OPCML: variants seen among roughly 807,000 people sequenced by gnomAD.
OPCML encodes opioid binding protein/cell adhesion molecule like.
Under a neutral mutation model 37.8 loss-of-function variants are expected in OPCML, and 13 were observed. The observed-to-expected ratio is 0.34, with a 90% CI of 0.22 to 0.55. The LOEUF (loss-of-function observed/expected upper bound fraction) is 0.55, where lower values mean the gene tolerates loss of function less well. OPCML is among the 20% of genes least tolerant of loss of function. The pLI, the probability that OPCML is intolerant of heterozygous loss-of-function variation, is 0.91. For missense variants in OPCML, 341 were observed against 435.6 expected, an observed-to-expected ratio of 0.78 and a Z score of 1.93; for synonymous variants, 176 against 168.8, an observed-to-expected ratio of 1.04 and a Z score of -0.33.
chr11:133,440,976 T>C (rs1233759235), intron 1 of OPCML, among the ~76,000 whole-genome samples: 1 of 151,406 alleles, frequency 6.6e-6, no homozygotes, highest in Non-Finnish European at 1.5e-5. Flanking sequence ...CAGGAAATTG[T>C]CATAATTCTC....
chr11:133,266,688 G>C (rs1941668954), intron 1 of OPCML, among the ~76,000 whole-genome samples: 1 of 152,204 alleles, frequency 6.6e-6, no homozygotes, highest in African/African-American at 2.4e-5. Flanking sequence ...TTTCAATCTA[G>C]TGGGTAAGAT....
chr11:132,860,321 C>T (rs917525841), intron 2 of OPCML, among the ~76,000 whole-genome samples: 16 of 152,198 alleles, frequency 1.1e-4, no homozygotes, highest in Non-Finnish European at 2.4e-4. Context: ...CAGTTTTCAT[C>T]TCAAAACTTG....
intron 1 of OPCML, among the ~76,000 whole-genome samples, chr11:133,423,859 C>G (rs1352685714): frequency 6.6e-6 from 1 of 151,908 alleles, no homozygotes; most frequent in East Asian, 1.9e-4. Context: ...AGTGTGGCAC[C>G]TCCACCCCCT....
intron 4 of OPCML, among the ~76,000 whole-genome samples, chr11:132,486,515 C>G (rs569397758): frequency 8.6e-5 from 13 of 151,892 alleles, no homozygotes; most frequent in African/African-American, 2.9e-4. Flanking sequence ...GAATATTTTC[C>G]TCTCTCGGTG....
intron 3 of OPCML, among the ~76,000 whole-genome samples, chr11:132,554,879 T>G (rs796715223): frequency 1.2e-4 from 16 of 138,598 alleles, no homozygotes; most frequent in African/African-American, 4.0e-4. Flanking sequence ...TTTTTTTTTT[T>G]TTTTTTTTTT....
chr11:132,448,247 C>A, intron 4 of OPCML, among the ~76,000 whole-genome samples: 1 of 152,182 alleles, frequency 6.6e-6, no homozygotes, highest in East Asian at 1.9e-4. Flanking sequence ...TCTCTTTTAT[C>A]CTTTCCCTAT....
intron 4 of OPCML, among the ~76,000 whole-genome samples, chr11:132,441,568 C>A (rs1247514864): frequency 6.6e-6 from 1 of 152,144 alleles, no homozygotes; most frequent in Non-Finnish European, 1.5e-5. Flanking sequence ...GCAAAATGTC[C>A]TGTAGTAAGA....
intron 2 of OPCML, among the ~76,000 whole-genome samples, chr11:132,933,868 G>T (rs1278535604): frequency 6.6e-6 from 1 of 152,124 alleles, no homozygotes; most frequent in Admixed American, 6.5e-5. Flanking sequence ...CTTACACAGG[G>T]TGCCTTACAG....
chr11:133,048,925 A>G (rs1370383362), intron 1 of OPCML, among the ~76,000 whole-genome samples: 3 of 152,252 alleles, frequency 2.0e-5, no homozygotes, highest in African/African-American at 7.2e-5. Context: ...TTGAAAGTCT[A>G]GTCAATATTA....
intron 2 of OPCML, among the ~76,000 whole-genome samples, chr11:132,868,050 G>A (rs1942642782): frequency 6.6e-6 from 1 of 152,158 alleles, no homozygotes; most frequent in Non-Finnish European, 1.5e-5. Context: ...TTTGTGAAAG[G>A]TACTCTGAGA....
chr11:132,840,581 G>C (rs1941244121), intron 2 of OPCML, among the ~76,000 whole-genome samples: 1 of 152,200 alleles, frequency 6.6e-6, no homozygotes, highest in Non-Finnish European at 1.5e-5. Context: ...CATGGGGCAA[G>C]TATTTTAACA....
chr11:133,454,638 A>G (rs1197491498), intron 1 of OPCML, among the ~76,000 whole-genome samples: 3 of 152,226 alleles, frequency 2.0e-5, no homozygotes, highest in African/African-American at 7.2e-5. Context: ...ATTCCAGAGA[A>G]TAGAATAAAA....
intron 1 of OPCML, chr11:133,423,159 T>C (rs1945927464): frequency 1.0e-6 from 1 of 985,310 alleles, no homozygotes; most frequent in Non-Finnish European, 1.2e-6. Flanking sequence ...TCAGAATTTA[T>C]CTTTACATCT....
chr11:132,539,273 T>C (rs1375441854), intron 3 of OPCML, among the ~76,000 whole-genome samples: 1 of 152,142 alleles, frequency 6.6e-6, no homozygotes, highest in East Asian at 1.9e-4. Context: ...TCAGTGAGTT[T>C]GGTGAAGGGT....
intron 1 of OPCML, among the ~76,000 whole-genome samples, chr11:133,101,795 T>C (rs1949088388): frequency 6.6e-6 from 1 of 152,122 alleles, no homozygotes; most frequent in Admixed American, 6.5e-5. Context: ...TGTTAATAAT[T>C]GTCCAAAACT....
intron 1 of OPCML, among the ~76,000 whole-genome samples, chr11:133,083,505 T>C (rs1281053398): frequency 6.6e-6 from 1 of 152,202 alleles, no homozygotes; most frequent in East Asian, 1.9e-4. Flanking sequence ...GCTCGGCCCA[T>C]GCATCCAGCG....
At chr11:132,513,800 A>G (rs1328852960) in intron 4 of OPCML, among the ~76,000 whole-genome samples, 1 of 152,234 alleles carries the variant, frequency 6.6e-6, no homozygotes, top group Non-Finnish European at 1.5e-5. Flanking sequence ...AACCTACAAC[A>G]TGATGAATAT....
At chr11:132,752,125 C>A (rs918082201) in intron 2 of OPCML, among the ~76,000 whole-genome samples, 15 of 152,210 alleles carry the variant, frequency 9.9e-5, no homozygotes, top group African/African-American at 3.1e-4. Context: ...CAAAAGCAGG[C>A]TTGGGTGTGA....
At chr11:133,068,024 A>G (rs1031136473) in intron 1 of OPCML, 23 of 152,206 alleles carry the variant, frequency 1.5e-4, no homozygotes, top group Admixed American at 5.9e-4. Context: ...TTAAATTTTA[A>G]CAATAATAAT....
Sources: allele counts gnomAD v4.1 joint callset (sites outside exome capture counted in the v4.1 genomes callset), GRCh38; gene constraint gnomAD v4.1.1; transcripts MANE v1.5; gene names NCBI Gene and HGNC (gene_info 2026-07-23, HGNC 2026-07-21).